PANK1: variants seen among roughly 807,000 people sequenced by gnomAD.
PANK1 encodes the protein pantothenate kinase 1, also known as pantothenic acid kinase 1.
PANK1 carries 18 observed loss-of-function variants against 40.1 expected under a neutral mutation model. The observed-to-expected ratio is 0.45, with a 90% confidence interval of 0.31 to 0.67. PANK1 has a LOEUF of 0.67. PANK1 is among the 30% of genes least tolerant of loss of function. The pLI is 0.06. For missense variants in PANK1, 457 were observed against 599.6 expected (o/e 0.76, Z 2.48); for synonymous variants, 242 against 237.7 (o/e 1.02, Z -0.17).
At position 89,584,419 on chromosome 10, in the gene PANK1, G is replaced by T; in HGVS notation, c.1373C>A (p.Thr458Asn). 1 of 1,603,900 alleles carries T rather than the reference G, an allele frequency of 6.2e-7. No individual in the cohort carries two copies. Among genetic ancestry groups the T allele is most frequent in the South Asian group, 1.1e-5 (1 of 90,774 alleles). ...CACTGCTCGTCTCTACTTGTCATCA[G>T]TCATTTTGAACAGTTCCAACAGTGC... is the stretch of plus-strand genomic sequence containing the variant. ...VGALLELFKM[T>N]DDK Residue 458 changes from threonine to asparagine, a missense_variant, in exon 7 of 7, where the codon ACT (threonine) becomes AAT (asparagine). By Grantham distance (65) the Thr-to-Asn change is moderately conservative. Around this residue, in one of 4 missense-constraint regions of PANK1, gnomAD observed 22 missense variants for 24.6 expected, o/e 0.89. Coordinates refer to ENST00000307534, the MANE Select transcript of PANK1 (RefSeq NM_148977.3).
intron 1 of PANK1, among the ~76,000 whole-genome samples, chr10:89,615,407 T>G (rs942787860): frequency 2.6e-5 from 4 of 152,180 alleles, no homozygotes; most frequent in African/African-American, 9.7e-5. Context: ...CCTGAAGATT[T>G]TTTGTTATTC....
chr10:89,599,014 G>A, intron 3 of PANK1: 1 of 465,888 alleles, frequency 2.1e-6, no homozygotes, highest in Non-Finnish European at 3.8e-6. Context: ...TTTCTGGTGT[G>A]TGCGATCCTT....
intron 1 of PANK1, among the ~76,000 whole-genome samples, chr10:89,627,707 A>G (rs1841516980): frequency 6.6e-6 from 1 of 152,180 alleles, no homozygotes; most frequent in Non-Finnish European, 1.5e-5. Flanking sequence ...AAAATCAGAC[A>G]TGACTTAATT....
chr10:89,598,620 G>A (rs748230345), intron 3 of PANK1, among the ~76,000 whole-genome samples: 4 of 152,126 alleles, frequency 2.6e-5, no homozygotes, highest in Non-Finnish European at 5.9e-5. Context: ...TTGAATACCC[G>A]TTAACAGGAA....
chr10:89,623,159 T>C (rs1238183170), intron 1 of PANK1, among the ~76,000 whole-genome samples: 2 of 152,142 alleles, frequency 1.3e-5, no homozygotes, highest in South Asian at 2.1e-4. Context: ...AGCTGGATCA[T>C]GGATTGGGGT....
intron 1 of PANK1, among the ~76,000 whole-genome samples, chr10:89,631,321 G>C (rs1005812125): frequency 6.6e-6 from 1 of 152,246 alleles, no homozygotes; most frequent in Non-Finnish European, 1.5e-5. Context: ...AATAAATTGA[G>C]TGATACGGAT....
intron 1 of PANK1, among the ~76,000 whole-genome samples, chr10:89,627,576 G>C (rs977917767): frequency 1.4e-3 from 219 of 152,316 alleles, no homozygotes; most frequent in East Asian, 3.9e-4. Context: ...TAAACAGTCA[G>C]GATGCGGCAA....
intron 5 of PANK1, 21 bp downstream of exon 5, chr10:89,593,176 C>T (rs775361430): frequency 4.3e-6 from 7 of 1,611,536 alleles, no homozygotes; most frequent in Middle Eastern, 1.6e-4. Context: ...ACAGCTTTCA[C>T]CGGGTTGAGT....
chr10:89,606,511 T>G (rs1844970414), intron 2 of PANK1, among the ~76,000 whole-genome samples: 1 of 152,166 alleles, frequency 6.6e-6, no homozygotes, highest in African/African-American at 2.4e-5. Context: ...CAACCTCTGC[T>G]ACCTTCCCAC....
At chr10:89,622,698 A>G (rs1589803248) in intron 1 of PANK1, among the ~76,000 whole-genome samples, 1 of 152,044 alleles carries the variant, frequency 6.6e-6, no homozygotes, top group Non-Finnish European at 1.5e-5. Flanking sequence ...TTTGCCGGGC[A>G]TGGTGGCTGG....
At chr10:89,601,309 TAAAAAA>T (rs11317815) in intron 2 of PANK1, among the ~76,000 whole-genome samples, 1 of 52,676 alleles carries the variant, frequency 1.9e-5, no homozygotes, top group Non-Finnish European at 3.3e-5. Flanking sequence ...ACCCATCTCT[TAAAAAA>T]AAAAAAAAAA....
intron 1 of PANK1, among the ~76,000 whole-genome samples, chr10:89,639,536 A>G (rs1841913191): frequency 6.6e-6 from 1 of 152,190 alleles, no homozygotes; most frequent in Non-Finnish European, 1.5e-5. Flanking sequence ...GATGGCCACC[A>G]TTATCTCTAT....
At chr10:89,590,529 GCA>G (rs1844350259) in intron 5 of PANK1, among the ~76,000 whole-genome samples, 4 of 152,096 alleles carry the variant, frequency 2.6e-5, no homozygotes, top group Non-Finnish European at 5.9e-5. Context: ...CGATGACTCA[GCA>G]AGTTCCCTTC....
Position 89,601,071 on chromosome 10 carries a change from G to A in PANK1, c.646-1566C>T, listed in dbSNP as rs72816799. 1.0e-2 allele frequency among the ~76,000 whole-genome samples: 1,519 copies of A among 152,048 alleles called. 13 individuals are homozygous for A. Among genetic ancestry groups the A allele is most frequent in the Non-Finnish European group, 0.016 (1,105 of 67,994 alleles). On this transcript the variant is annotated intron_variant, in intron 2 of 6. Coordinates refer to ENST00000307534, the MANE Select transcript of PANK1 (RefSeq NM_148977.3). ...CTCCCAATGACTTGCTGTACTTCTC[G>A]TGTCTTCATTGTCATAATGGGTACT...
In PANK1 at chr10:89,644,883, G is replaced by A; in HGVS notation, c.9C>T (p.Asp3=). MG[D]RSGQQERSVP... ...CCGAGCGCTCCTGCTGCCCGCTGCGGTCGCCCATGCCGGGGGCTGGCGGGG... is the reference window on the plus strand; with the variant it reads ...CCGAGCGCTCCTGCTGCCCGCTGCGATCGCCCATGCCGGGGGCTGGCGGGG... The change falls in exon 1 of 7, where the codon GAC becomes GAT. Residue 3 remains aspartate (D), a synonymous_variant. Coordinates refer to ENST00000307534, the MANE Select transcript of PANK1 (RefSeq NM_148977.3). The A allele has an allele frequency of 6.7e-7, 1 of 1,501,660 alleles. No homozygotes were observed. The highest frequency in any genetic ancestry group is 2.2e-4 in the Middle Eastern group (1 of 4,550). The allele number at this position is 1,501,660 out of a possible 1,614,324, so 93.0% of individuals were successfully genotyped here.
At position 89,644,853 on chromosome 10, in the gene PANK1, C is replaced by T. The variant is rs1361727693; in HGVS notation, c.39G>A (p.Pro13=). 2 of 1,470,782 alleles carry T rather than the reference C, an allele frequency of 1.4e-6. No homozygotes were observed. Among genetic ancestry groups the T allele is most frequent in the Non-Finnish European group, 1.8e-6 (2 of 1,117,636 alleles). 91.1% of individuals were successfully genotyped at this position (1,470,782 alleles called of 1,614,324 possible). ...TGCCCACGGGGGCCCCTGGAGAGTG[C>T]GGGACCGAGCGCTCCTGCTGCCCGC... is the stretch of plus-strand genomic sequence containing the variant. ...DRSGQQERSV[P]HSPGAPVGTS... Residue 13 remains proline (P), a synonymous_variant, in exon 1 of 7, where the codon CCG becomes CCA. Coordinates refer to ENST00000307534, the MANE Select transcript of PANK1 (RefSeq NM_148977.3).
intron 5 of PANK1, among the ~76,000 whole-genome samples, chr10:89,592,591 G>C (rs1002972685): frequency 5.3e-5 from 8 of 152,178 alleles, no homozygotes; most frequent in African/African-American, 1.9e-4. Flanking sequence ...TCAGTGTGAA[G>C]AGTTCTACTT....
intron 2 of PANK1, among the ~76,000 whole-genome samples, chr10:89,603,039 G>T (rs1372696250): frequency 1.3e-5 from 2 of 151,952 alleles, no homozygotes; most frequent in African/African-American, 4.8e-5. Flanking sequence ...ATCCTATAAT[G>T]AGCCTTAAAT....
Position 89,593,907 on chromosome 10 carries a change from T to C in PANK1, c.982A>G (p.Lys328Glu). 2 of 1,613,856 alleles carry C rather than the reference T, an allele frequency of 1.2e-6. No homozygotes were observed. The highest frequency in any genetic ancestry group is 1.3e-5 in the African/African-American group (1 of 75,056). Residue 328 changes from lysine to glutamate, a missense_variant, in exon 4 of 7, where the codon AAA becomes GAA. Physicochemically the swap from Lys to Glu is moderately conservative, Grantham distance 56. Coordinates refer to ENST00000307534, the MANE Select transcript of PANK1 (RefSeq NM_148977.3). ...TTATCAACATTGGTGCTGTCGCCTT[T>C]AGCTGCCATTTCCAGAGCTTCTTCA... ...TFEEALEMAAKGDSTNVDKLV... is the reference protein window; with the variant it reads ...TFEEALEMAAEGDSTNVDKLV...
Sources: allele counts gnomAD v4.1 joint callset (sites outside exome capture counted in the v4.1 genomes callset), GRCh38; gene constraint gnomAD v4.1.1; regional missense constraint gnomAD v4.1.1; transcripts MANE v1.5; gene names NCBI Gene and HGNC (gene_info 2026-07-23, HGNC 2026-07-21).